ST8SIA6: variants seen among roughly 807,000 people sequenced by gnomAD.
The protein encoded by ST8SIA6 is ST8 alpha-N-acetyl-neuraminide alpha-2,8-sialyltransferase 6.
In ST8SIA6, 39 loss-of-function variants were observed where a neutral mutation model predicts 33.6. That is an observed-to-expected ratio of 1.16 (90% CI 0.90 to 1.52). The LOEUF (loss-of-function observed/expected upper bound fraction) is 1.52. ST8SIA6 is among the 40% of genes most tolerant of loss of function. The probability of loss-of-function intolerance (pLI) is 0.00; values close to 1 mark genes in which losing one functional copy is unlikely to be tolerated. For missense variants in ST8SIA6, 441 were observed against 443.8 expected, an observed-to-expected ratio of 0.99 and a Z score of 0.06; for synonymous variants, 172 against 167.2, an observed-to-expected ratio of 1.03 and a Z score of -0.22.
At chr10:17,406,801 T>A (rs1400598019) in intron 2 of ST8SIA6, among the ~76,000 whole-genome samples, 1 of 151,204 alleles carries the variant, frequency 6.6e-6, no homozygotes, top group Non-Finnish European at 1.5e-5. Context: ...CTTTTTTTTT[T>A]TTTTTTTTTT....
chr10:17,414,451 C>T (rs948541664), intron 2 of ST8SIA6, among the ~76,000 whole-genome samples: 5 of 152,220 alleles, frequency 3.3e-5, no homozygotes, highest in African/African-American at 1.2e-4. Flanking sequence ...GCAACACTTT[C>T]ATACTGCTCC....
Position 17,318,556 on chromosome 10 carries a change from C to T in ST8SIA6, c.*2322G>A. The T allele has an allele frequency of 2.5e-6, 1 of 399,578 alleles. No individual in the cohort carries two copies. Among genetic ancestry groups the T allele is most frequent in the South Asian group, 2.0e-5 (1 of 50,560 alleles). The allele number at this position is 399,578 out of a possible 1,614,324, so 24.8% of individuals were successfully genotyped here. A position where few individuals can be genotyped will look rare whatever the true frequency, so the allele number is the denominator to read the frequency against. The stretch of plus-strand genomic sequence containing the variant: ...GTCTAGTACCAGAACTCAGACTTTC[C>T]ATTCTCAATGCCCTTAGATGTACTT... On this transcript the variant is annotated 3_prime_UTR_variant, in exon 8 of 8. Coordinates refer to ENST00000377602, the MANE Select transcript of ST8SIA6 (RefSeq NM_001004470.3).
intron 3 of ST8SIA6, among the ~76,000 whole-genome samples, chr10:17,380,853 TTGTG>T (rs1554793906): frequency 4.6e-5 from 4 of 86,316 alleles, no homozygotes; most frequent in African/African-American, 8.5e-5. Flanking sequence ...GTTTGTGTGT[TTGTG>T]TGTATGTGTT....
chr10:17,402,991 G>A (rs184635957), intron 2 of ST8SIA6, among the ~76,000 whole-genome samples: 4 of 152,008 alleles, frequency 2.6e-5, no homozygotes, highest in East Asian at 2.0e-4. Flanking sequence ...CCTATCCACT[G>A]TGGCACAAAA....
chr10:17,441,680 C>T (rs1339446247), intron 2 of ST8SIA6, among the ~76,000 whole-genome samples: 4 of 152,084 alleles, frequency 2.6e-5, no homozygotes, highest in Admixed American at 6.5e-5. Context: ...AAACTATCCT[C>T]GCTCCACCAT....
Position 17,390,607 on chromosome 10 carries a change from C to A in ST8SIA6, c.214G>T (p.Glu72Ter). The stretch of plus-strand genomic sequence containing the variant: ...TTCTCCGTCAGTTGGAGCGACTTCT[C>A]ATTCAGATATGTGCTGTTTCATGAA... The part of the protein sequence containing the change: ...PRATNSTYLN[E>*]KSLQLTEKCK... Residue 72 changes from glutamate to a stop codon, truncating the protein, a stop_gained, in exon 3 of 8, where the codon GAG (glutamate) becomes TAG (stop). Transcript: ENST00000377602. LOFTEE classifies it high-confidence loss of function. 2 of 1,613,628 alleles carry A rather than the reference C, an allele frequency of 1.2e-6. No individual in the cohort carries two copies. Among genetic ancestry groups the A allele is most frequent in the Non-Finnish European group, 1.7e-6 (2 of 1,179,672 alleles).
intron 2 of ST8SIA6, among the ~76,000 whole-genome samples, chr10:17,429,997 C>G (rs57621214): frequency 0.2 from 30,924 of 151,994 alleles, 3,390 homozygotes; most frequent in South Asian, 0.26. Context: ...GCACCCATCG[C>G]CGGAGCAGTG....
chr10:17,441,511 C>A (rs1237733623), intron 2 of ST8SIA6, among the ~76,000 whole-genome samples: 1 of 151,992 alleles, frequency 6.6e-6, no homozygotes, highest in Non-Finnish European at 1.5e-5. Flanking sequence ...CAGGGTTTCA[C>A]CATGTTAGGC....
intron 2 of ST8SIA6, among the ~76,000 whole-genome samples, chr10:17,428,865 A>C (rs1196659887): frequency 1.3e-5 from 2 of 152,210 alleles, no homozygotes; most frequent in Non-Finnish European, 2.9e-5. Context: ...CCATCTCGGC[A>C]GAAAGCCTGC....
chr10:17,381,121 G>A (rs548856454), intron 3 of ST8SIA6, among the ~76,000 whole-genome samples: 2 of 151,916 alleles, frequency 1.3e-5, no homozygotes, highest in South Asian at 2.1e-4. Context: ...GAGTTTACTC[G>A]GGTTTTTAAG....
At chr10:17,423,890 C>G (rs778070146) in intron 2 of ST8SIA6, among the ~76,000 whole-genome samples, 1 of 152,098 alleles carries the variant, frequency 6.6e-6, no homozygotes, top group Non-Finnish European at 1.5e-5. Flanking sequence ...GATGCAGAAA[C>G]CACACATGTT....
intron 2 of ST8SIA6, among the ~76,000 whole-genome samples, chr10:17,398,507 C>T (rs1052299575): frequency 6.6e-6 from 1 of 152,092 alleles, no homozygotes; most frequent in Non-Finnish European, 1.5e-5. Context: ...ATCATGCAAT[C>T]GGTCCCCTGG....
rs913857464 is a variant in ST8SIA6, at chr10:17,360,897, CGAA to C, written c.291-1300_291-1298del. ...CAAACTGGGAGAAGAAAGAAGATGA[CGAA>C]GAAGAAGAAGAGGAAGAAGGGAAGA... On this transcript the variant is annotated intron_variant, in intron 3 of 7. Coordinates refer to ENST00000377602, the MANE Select transcript of ST8SIA6 (RefSeq NM_001004470.3). Among the ~76,000 whole-genome samples, 55 of 134,946 alleles carry C rather than the reference CGAA, an allele frequency of 4.1e-4. No homozygotes were observed. The South Asian group carries it at 4.1e-3, about 10-fold the overall frequency. The allele number at this position is 134,946 out of a possible 152,430, so 88.5% of individuals were successfully genotyped here. A position where few individuals can be genotyped will look rare whatever the true frequency, so the allele number is the denominator to read the frequency against.
At chr10:17,377,906 A>G (rs989061501) in intron 3 of ST8SIA6, among the ~76,000 whole-genome samples, 3 of 152,194 alleles carry the variant, frequency 2.0e-5, no homozygotes, top group African/African-American at 7.2e-5. Context: ...AGCACTGATT[A>G]TGGAACACAC....
At chr10:17,387,243 G>T (rs961156276) in intron 3 of ST8SIA6, among the ~76,000 whole-genome samples, 8 of 139,432 alleles carry the variant, frequency 5.7e-5, no homozygotes, top group Non-Finnish European at 1.2e-4. Context: ...TTAAGGAAAA[G>T]AAAACAATAA....
chr10:17,428,094 C>T (rs1564459756), intron 2 of ST8SIA6, among the ~76,000 whole-genome samples: 1 of 152,222 alleles, frequency 6.6e-6, no homozygotes, highest in Non-Finnish European at 1.5e-5. Context: ...TTAGTCTTAT[C>T]TCTAGCAGAT....
Position 17,318,111 on chromosome 10 carries a change from A to G in ST8SIA6, c.*2767T>C, listed in dbSNP as rs1302361758. On this transcript the variant is annotated 3_prime_UTR_variant, in exon 8 of 8. Coordinates refer to ENST00000377602, the MANE Select transcript of ST8SIA6 (RefSeq NM_001004470.3). ...TCTTGTTATTCTGTTTCATTGCTCA[A>G]TGAGGCTGAACAACAAGTGGAAAAT... Among the ~76,000 whole-genome samples the G allele has an allele frequency of 6.6e-6, 1 of 152,216 alleles. No homozygotes were observed. Among genetic ancestry groups the G allele is most frequent in the African/African-American group, 2.4e-5 (1 of 41,468 alleles).
chr10:17,437,420 G>A (rs1311392954), intron 2 of ST8SIA6, among the ~76,000 whole-genome samples: 2 of 152,060 alleles, frequency 1.3e-5, no homozygotes, highest in African/African-American at 2.4e-5. Flanking sequence ...AATCCTCTTG[G>A]CTTGGCCTCC....
At chr10:17,357,292 A>ATT (rs113412171) in intron 4 of ST8SIA6, among the ~76,000 whole-genome samples, 32 of 143,810 alleles carry the variant, frequency 2.2e-4, no homozygotes, top group African/African-American at 7.9e-4. Context: ...CGCCTGGCTA[A>ATT]TTTTTTTTTT....
Sources: allele counts gnomAD v4.1 joint callset (sites outside exome capture counted in the v4.1 genomes callset), GRCh38; gene constraint gnomAD v4.1.1; transcripts MANE v1.5; gene names NCBI Gene and HGNC (gene_info 2026-07-23, HGNC 2026-07-21).